IL23R: variants seen among roughly 807,000 people sequenced by gnomAD.
The protein encoded by IL23R is interleukin 23 receptor.
IL23R carries 34 observed loss-of-function variants against 56.9 expected under a neutral mutation model. That is an observed-to-expected ratio of 0.60 (90% confidence interval 0.45 to 0.80). The LOEUF (loss-of-function observed/expected upper bound fraction) is 0.80. Among genes scored for constraint, IL23R ranks in the 30% least tolerant of loss-of-function variants. IL23R has a pLI of 0.00. For missense variants in IL23R, 635 were observed against 730.0 expected (o/e 0.87, Z 1.50); for synonymous variants, 230 against 249.2 (o/e 0.92, Z 0.73).
downstream of IL23R, among the ~76,000 whole-genome samples, chr1:67,262,410 G>A (rs1653225396): frequency 6.6e-6 from 1 of 152,130 alleles, no homozygotes; most frequent in South Asian, 2.1e-4. Context: ...GGATAATGTG[G>A]TGGATAGCAA....
rs560078901 is a variant in IL23R, at chr1:67,231,625, G to A, written c.956-5088G>A. On this transcript the variant is annotated intron_variant, in intron 7 of 10. Transcript: ENST00000347310. ...CCTAGCTATACAGTTTCTCAATAGG[G>A]GTAAGATTGAATAAATACAGTAAAA... 2.1e-3 allele frequency among the ~76,000 whole-genome samples: 316 copies of A among 151,984 alleles called. 1 individual carries two copies. Among genetic ancestry groups the A allele is most frequent in the Non-Finnish European group, 3.5e-3 (241 of 67,976 alleles).
At chr1:67,185,763 A>C (rs542887572) in intron 4 of IL23R, among the ~76,000 whole-genome samples, 5 of 152,316 alleles carry the variant, frequency 3.3e-5, no homozygotes, top group African/African-American at 1.2e-4. Context: ...AGAGGCGTAC[A>C]CCTTTCATTC....
chr1:67,201,425 T>C (rs954445051), intron 5 of IL23R, among the ~76,000 whole-genome samples: 7 of 146,346 alleles, frequency 4.8e-5, no homozygotes, highest in Non-Finnish European at 7.4e-5. Context: ...AAAAAAAAAA[T>C]CCATATATGT....
chr1:67,193,964 A>G (rs1647932950), intron 4 of IL23R, among the ~76,000 whole-genome samples: 1 of 152,228 alleles, frequency 6.6e-6, no homozygotes, highest in South Asian at 2.1e-4. Context: ...GGTTTCCACG[A>G]TACACTCCTC....
At chr1:67,155,963 G>T (rs1056875036) in intron 1 of IL23R, among the ~76,000 whole-genome samples, 1 of 152,132 alleles carries the variant, frequency 6.6e-6, no homozygotes, top group African/African-American at 2.4e-5. Context: ...GATGACCTTT[G>T]GATAGGGTTT....
intron 4 of IL23R, 87 bp from the exon 5 acceptor site, chr1:67,200,650 G>A (rs1648559801): frequency 1.4e-6 from 2 of 1,381,306 alleles, no homozygotes; most frequent in South Asian, 1.2e-5. Context: ...CTCCCAAAAT[G>A]CTAGGATTAC....
At chr1:67,175,109 G>A (rs988246824) in intron 3 of IL23R, among the ~76,000 whole-genome samples, 3 of 152,084 alleles carry the variant, frequency 2.0e-5, no homozygotes, top group African/African-American at 7.2e-5. Flanking sequence ...GACAGGTCTT[G>A]GGGTTGGGGT....
At chr1:67,227,435 T>TTG (rs1415287045) in intron 7 of IL23R, among the ~76,000 whole-genome samples, 2 of 151,824 alleles carry the variant, frequency 1.3e-5, no homozygotes, top group East Asian at 3.9e-4. Context: ...TTACTCTTTT[T>TTG]TTTTTTTTGA....
chr1:67,200,948 A>C (rs1353384980), intron 5 of IL23R, 51 bp downstream of exon 5: 1 of 1,578,556 alleles, frequency 6.3e-7, no homozygotes, highest in Non-Finnish European at 8.7e-7. Context: ...GTTTGTGCTG[A>C]CCTTGTCAAA....
upstream of IL23R, among the ~76,000 whole-genome samples, chr1:67,164,310 A>G (rs1011876403): frequency 2.0e-5 from 3 of 152,338 alleles, no homozygotes; most frequent in Admixed American, 2.0e-4. Flanking sequence ...AGCCTGGCCA[A>G]CATGGTGAAA....
chr1:67,227,599 T>C (rs1650705249), intron 7 of IL23R, among the ~76,000 whole-genome samples: 2 of 152,210 alleles, frequency 1.3e-5, no homozygotes, highest in Non-Finnish European at 2.9e-5. Context: ...AAAAAGCAAA[T>C]ATTATGTTAA....
downstream of IL23R, among the ~76,000 whole-genome samples, chr1:67,264,581 C>T (rs568497551): frequency 5.3e-4 from 80 of 152,272 alleles, no homozygotes; most frequent in African/African-American, 1.8e-3. Flanking sequence ...CAACTTTCTT[C>T]GATGCTGTAG....
At chr1:67,176,531 G>C (rs1214691693) in intron 3 of IL23R, among the ~76,000 whole-genome samples, 2 of 151,844 alleles carry the variant, frequency 1.3e-5, no homozygotes, top group African/African-American at 2.4e-5. Context: ...CCTTTTCAGT[G>C]AAAAGTTGAT....
chr1:67,239,245 A>G (rs1272323209), intron 8 of IL23R, among the ~76,000 whole-genome samples: 7 of 152,142 alleles, frequency 4.6e-5, no homozygotes, highest in African/African-American at 1.7e-4. Flanking sequence ...GACATGCAAG[A>G]AAAGCATTGG....
chr1:67,158,705 T>G (rs1488018516), intron 1 of IL23R, among the ~76,000 whole-genome samples: 3 of 151,870 alleles, frequency 2.0e-5, no homozygotes, highest in Non-Finnish European at 4.4e-5. Context: ...GCCTCTGGAG[T>G]GAAGTACCAT....
At chr1:67,246,324 T>C (rs1652220427) in intron 9 of IL23R, among the ~76,000 whole-genome samples, 1 of 152,222 alleles carries the variant, frequency 6.6e-6, no homozygotes, top group Non-Finnish European at 1.5e-5. Flanking sequence ...AGTGCTTCTC[T>C]GATCTTAGTT....
upstream of IL23R, among the ~76,000 whole-genome samples, chr1:67,161,848 G>A (rs556845719): frequency 7.2e-5 from 11 of 151,866 alleles, no homozygotes; most frequent in Admixed American, 1.3e-4. Context: ...GGATGGTCTC[G>A]ATTTCCTGAC....
At chr1:67,205,853 A>G (rs1648965332) in intron 5 of IL23R, among the ~76,000 whole-genome samples, 1 of 151,704 alleles carries the variant, frequency 6.6e-6, no homozygotes, top group African/African-American at 2.4e-5. Flanking sequence ...ATTGTGATAA[A>G]AGATCTGAAT....
intron 1 of IL23R, among the ~76,000 whole-genome samples, chr1:67,157,873 T>C (rs1187155246): frequency 6.6e-6 from 1 of 152,210 alleles, no homozygotes; most frequent in East Asian, 1.9e-4. Flanking sequence ...TGTTTACCCC[T>C]TTATCCTCAG....
Sources: allele counts gnomAD v4.1 joint callset (sites outside exome capture counted in the v4.1 genomes callset), GRCh38; gene constraint gnomAD v4.1.1; transcripts MANE v1.5; gene names NCBI Gene and HGNC (gene_info 2026-07-23, HGNC 2026-07-21).